The following LCA5 variants were observed in gnomAD, a reference collection of about 807,000 sequenced individuals.
The protein encoded by LCA5 is lebercilin LCA5, also known as lebercilin.
A neutral mutation model predicts 53.0 loss-of-function variants in LCA5; 37 were observed. That is an observed-to-expected ratio of 0.70 (90% CI 0.54 to 0.92). The LOEUF (loss-of-function observed/expected upper bound fraction) is 0.92, where lower values mean the gene tolerates loss of function less well. Ranked by LOEUF, LCA5 falls within the 40% of genes least tolerant of loss-of-function variation. LCA5 has a pLI of 0.00. For synonymous variants in LCA5, 303 were observed against 282.9 expected, an observed-to-expected ratio of 1.07 and a Z score of -0.71; for missense variants, 806 against 790.5, an observed-to-expected ratio of 1.02 and a Z score of -0.23.
intron 3 of LCA5, among the ~76,000 whole-genome samples, chr6:79,508,680 C>T (rs1582635102): frequency 6.6e-6 from 1 of 151,320 alleles, no homozygotes; most frequent in Admixed American, 6.6e-5. Context: ...AAGAACATCA[C>T]AGAACTTAAT....
rs753497619 is a variant in LCA5, at chr6:79,518,750, T to G, written c.145A>C (p.Lys49Gln). ...TCTGAAGTTTGTCTTTTAGGATTTT[T>G]TCTCCTAACACTTGCAGGTGAAGAA... Reference protein sequence around the residue: ...VSSSPASVRRKNPKRQTSDGQ... With the variant: ...VSSSPASVRRQNPKRQTSDGQ... Residue 49 changes from lysine to glutamine, a missense_variant, in exon 2 of 8, where the codon AAA (lysine) becomes CAA (glutamine). Transcript: ENST00000369846. 44 of 1,614,054 alleles carry G rather than the reference T, an allele frequency of 2.7e-5. No individual in the cohort carries two copies. Among genetic ancestry groups the G allele is most frequent in the Non-Finnish European group, 3.6e-5 (43 of 1,180,022 alleles).
At chr6:79,488,434 T>C (rs1019797337) in intron 7 of LCA5, 5 of 153,468 alleles carry the variant, frequency 3.3e-5, no homozygotes, top group African/African-American at 1.2e-4. Flanking sequence ...AATCTCTAGA[T>C]TAAAGAAGAC....
chr6:79,528,280 T>C lies in LCA5; in HGVS notation c.-192+8885A>G, dbSNP rs192522291. On this transcript the variant is annotated intron_variant, in intron 1 of 7. Coordinates refer to ENST00000369846, the MANE Select transcript of LCA5 (RefSeq NM_001122769.3). Reference sequence around the variant, plus strand: ...CTATAGGGAATATAAACCACCCCTCTTGTCTCTCTAGGTGGGGGGCAGAGT... The same window carrying C: ...CTATAGGGAATATAAACCACCCCTCCTGTCTCTCTAGGTGGGGGGCAGAGT... Among the ~76,000 whole-genome samples, 72 of 152,246 alleles carry C rather than the reference T, an allele frequency of 4.7e-4. No homozygotes were observed. In the East Asian group the frequency reaches 7.9e-3, roughly 17 times the overall value.
At chr6:79,530,174 T>C (rs1180981765) in intron 1 of LCA5, among the ~76,000 whole-genome samples, 2 of 152,156 alleles carry the variant, frequency 1.3e-5, no homozygotes, top group Non-Finnish European at 1.5e-5. Context: ...TTTTGAGGGA[T>C]GTCTCTAAAT....
rs1192161249 is a variant in LCA5, at chr6:79,485,032, A to C, written c.*1972T>G. On this transcript the variant is annotated 3_prime_UTR_variant, in exon 8 of 8. Transcript: ENST00000369846. ...ATTAGTAACAGTTCTGAGTACAAATAAATTTAATGACATTTAGAAAAAAAA... is the reference window on the plus strand; with the variant it reads ...ATTAGTAACAGTTCTGAGTACAAATCAATTTAATGACATTTAGAAAAAAAA... 4 of 152,574 alleles carry C rather than the reference A, an allele frequency of 2.6e-5. No individual in the cohort carries two copies. Among genetic ancestry groups the C allele is most frequent in the Non-Finnish European group, 4.4e-5 (3 of 68,008 alleles). 9.5% of individuals were successfully genotyped at this position (152,574 alleles called of 1,614,324 possible).
chr6:79,492,111 A>C (rs1437936181), intron 5 of LCA5, among the ~76,000 whole-genome samples: 1 of 152,042 alleles, frequency 6.6e-6, no homozygotes, highest in Non-Finnish European at 1.5e-5. Context: ...ACAAATAACA[A>C]TACAAAATAT....
At chr6:79,491,848 A>G in intron 5 of LCA5, 118 bp from the exon 6 acceptor site, 1 of 785,356 alleles carries the variant, frequency 1.3e-6, no homozygotes, top group Non-Finnish European at 2.1e-6. Context: ...GTACATTTAT[A>G]TGCACCACTT....
At chr6:79,490,099 C>G (rs1394776312) in intron 6 of LCA5, among the ~76,000 whole-genome samples, 1 of 151,998 alleles carries the variant, frequency 6.6e-6, no homozygotes, top group African/African-American at 2.4e-5. Flanking sequence ...AGCTGTCTAC[C>G]AACTGTGAAC....
Position 79,523,006 on chromosome 6 carries a change from T to C in LCA5, c.-191-3921A>G, listed in dbSNP as rs74982276. 9.0e-3 allele frequency among the ~76,000 whole-genome samples: 1,362 copies of C among 151,690 alleles called. 18 individuals are homozygous for C. Among genetic ancestry groups the C allele is most frequent in the Middle Eastern group, 0.037 (11 of 294 alleles). ...GCTTCAAAATTAACCCAAAGGAAAA[T>C]GGGTAAGGGTAAAGATTATACAAAA... On this transcript the variant is annotated intron_variant, in intron 1 of 7. Coordinates refer to ENST00000369846, the MANE Select transcript of LCA5 (RefSeq NM_001122769.3).
At chr6:79,525,721 A>G (rs914031279) in intron 1 of LCA5, among the ~76,000 whole-genome samples, 1 of 152,250 alleles carries the variant, frequency 6.6e-6, no homozygotes, top group African/African-American at 2.4e-5. Flanking sequence ...AGTCCGGATT[A>G]GATCCGGAGG....
chr6:79,487,807 C>T lies in LCA5; in HGVS notation c.1291G>A (p.Glu431Lys), dbSNP rs763745187. 3.5e-5 allele frequency: 57 copies of T among 1,611,078 alleles called. No individual in the cohort carries two copies. The highest frequency in any genetic ancestry group is 4.5e-5 in the Non-Finnish European group (53 of 1,179,082). Residue 431 changes from glutamate (E) to lysine (K), a missense_variant, in exon 8 of 8, where the codon GAA becomes AAA. Transcript: ENST00000369846. Reference sequence around the variant, plus strand: ...CCAGTTTCCCACTCTGGCTTTTCTTCTCTTTCCAGTAAAGATGCCTTTTCT... The same window carrying T: ...CCAGTTTCCCACTCTGGCTTTTCTTTTCTTTCCAGTAAAGATGCCTTTTCT... ...QKEKASLLER[E>K]EKPEWETGRY...
rs201430682 is a variant in LCA5, at chr6:79,518,004, TC to T, written c.190+700del. 7.4e-3 allele frequency among the ~76,000 whole-genome samples: 1,132 copies of T among 152,300 alleles called. 40 individuals are homozygous for T. Among genetic ancestry groups the T allele is most frequent in the Admixed American group, 0.061 (926 of 15,290 alleles). ...GTAATTACCTCATTTGCCTTATTTT[TC>T]TATGCTGTACTTGTAAACCTTACAT... On this transcript the variant is annotated intron_variant, in intron 2 of 7. Coordinates refer to ENST00000369846, the MANE Select transcript of LCA5 (RefSeq NM_001122769.3).
At chr6:79,499,633 T>C (rs1168458213) in intron 3 of LCA5, among the ~76,000 whole-genome samples, 2 of 151,890 alleles carry the variant, frequency 1.3e-5, no homozygotes, top group Non-Finnish European at 1.5e-5. Flanking sequence ...ATAGTAGTTA[T>C]CTTCGGCTGG....
At chr6:79,526,659 G>T (rs1387556785) in intron 1 of LCA5, among the ~76,000 whole-genome samples, 1 of 152,120 alleles carries the variant, frequency 6.6e-6, no homozygotes, top group African/African-American at 2.4e-5. Flanking sequence ...ATTATGGAAA[G>T]TTTACAAATT....
chr6:79,508,670 A>C (rs1014028981), intron 3 of LCA5, among the ~76,000 whole-genome samples: 4 of 152,160 alleles, frequency 2.6e-5, no homozygotes, highest in Non-Finnish European at 4.4e-5. Flanking sequence ...ATCCTTACTA[A>C]AGAACATCAC....
rs772725813 is a variant in LCA5 at position 79,537,398 on chromosome 6, G to A, written c.-425C>T. ...CCTGGGTGGCAGCGGCGGTAACCTG[G>A]GCTCCAGGGTAACGGAGGCGGAGGC... On this transcript the variant is annotated 5_prime_UTR_variant, in exon 1 of 8. Transcript: ENST00000369846. 76 of 152,822 alleles carry A rather than the reference G, an allele frequency of 5.0e-4. No homozygotes were observed. Among genetic ancestry groups the A allele is most frequent in the Non-Finnish European group, 2.0e-4 (14 of 68,454 alleles). 9.5% of individuals were successfully genotyped at this position (152,822 alleles called of 1,614,324 possible). A position where few individuals can be genotyped will look rare whatever the true frequency, so the allele number is the denominator to read the frequency against.
At chr6:79,522,639 C>T (rs533255274) in intron 1 of LCA5, among the ~76,000 whole-genome samples, 2 of 152,224 alleles carry the variant, frequency 1.3e-5, no homozygotes, top group Middle Eastern at 3.4e-3. Context: ...TATTTCACTC[C>T]TGATTACAAT....
intron 3 of LCA5, among the ~76,000 whole-genome samples, chr6:79,500,255 C>T (rs1582626446): frequency 1.3e-5 from 2 of 152,118 alleles, no homozygotes; most frequent in African/African-American, 4.8e-5. Context: ...TAAACAAACA[C>T]GTTAATAATA....
intron 1 of LCA5, among the ~76,000 whole-genome samples, chr6:79,530,183 A>G (rs752188450): frequency 1.3e-5 from 2 of 152,196 alleles, no homozygotes; most frequent in Non-Finnish European, 2.9e-5. Context: ...ATGTCTCTAA[A>G]TCTGTGAAGA....
Sources: allele counts gnomAD v4.1 joint callset (sites outside exome capture counted in the v4.1 genomes callset), GRCh38; gene constraint gnomAD v4.1.1; transcripts MANE v1.5; gene names NCBI Gene and HGNC (gene_info 2026-07-23, HGNC 2026-07-21).